The following DPYD variants were observed in gnomAD, a reference collection of about 807,000 sequenced individuals.
The protein encoded by DPYD is dihydropyrimidine dehydrogenase [NADP(+)].
DPYD carries 109 observed loss-of-function variants against 116.2 expected under a neutral mutation model. The ratio of observed to expected loss-of-function variants is 0.94; its 90% confidence interval spans 0.80 to 1.10. The LOEUF is 1.10. Among genes scored for constraint, DPYD ranks in the 50% least tolerant of loss-of-function variants. The pLI is 0.00. For missense variants in DPYD, 1,302 were observed against 1,254.5 expected (o/e 1.04, Z -0.57); for synonymous variants, 440 against 432.0 (o/e 1.02, Z -0.23).
At chr1:97,823,162 T>C (rs1286333610) in intron 3 of DPYD, among the ~76,000 whole-genome samples, 3 of 152,142 alleles carry the variant, frequency 2.0e-5, no homozygotes, top group Admixed American at 2.0e-4. Flanking sequence ...TTTTTGTTTT[T>C]TGTTTTTTTT....
intron 1 of DPYD, among the ~76,000 whole-genome samples, chr1:97,896,062 T>G (rs751285610): frequency 6.6e-6 from 1 of 151,820 alleles, no homozygotes; most frequent in Non-Finnish European, 1.5e-5. Flanking sequence ...TTCCAGGGAT[T>G]AATAAAATTA....
intron 2 of DPYD, among the ~76,000 whole-genome samples, chr1:97,874,683 C>T (rs1671820227): frequency 1.3e-5 from 2 of 151,746 alleles, no homozygotes; most frequent in Non-Finnish European, 2.9e-5. Context: ...GTTCATATAC[C>T]TATGTTTTTA....
At chr1:97,271,954 G>GT (rs1664606846) in intron 18 of DPYD, among the ~76,000 whole-genome samples, 1 of 152,084 alleles carries the variant, frequency 6.6e-6, no homozygotes. Flanking sequence ...AACTGATACC[G>GT]TAAGTAATTG....
At chr1:97,177,745 T>A (rs1657391565) in intron 20 of DPYD, among the ~76,000 whole-genome samples, 1 of 152,116 alleles carries the variant, frequency 6.6e-6, no homozygotes, top group Non-Finnish European at 1.5e-5. Flanking sequence ...TTGCTGGATA[T>A]CCTCCTAACT....
chr1:97,683,296 A>G (rs1660525212), intron 7 of DPYD, among the ~76,000 whole-genome samples: 1 of 151,876 alleles, frequency 6.6e-6, no homozygotes, highest in Non-Finnish European at 1.5e-5. Flanking sequence ...AAATAATATG[A>G]TTTTATATTT....
chr1:97,222,100 T>A (rs1374046975), intron 19 of DPYD, among the ~76,000 whole-genome samples: 2 of 152,092 alleles, frequency 1.3e-5, no homozygotes, highest in Admixed American at 6.6e-5. Context: ...TCTAAACAAC[T>A]GAGATTTTCT....
chr1:97,823,085 A>G (rs1669043110), intron 3 of DPYD, among the ~76,000 whole-genome samples: 1 of 152,230 alleles, frequency 6.6e-6, no homozygotes, highest in African/African-American at 2.4e-5. Flanking sequence ...TTGTGTAATG[A>G]TCAAATCAAG....
At chr1:97,649,119 A>T (rs560357988) in intron 8 of DPYD, among the ~76,000 whole-genome samples, 1 of 152,250 alleles carries the variant, frequency 6.6e-6, no homozygotes, top group South Asian at 2.1e-4. Context: ...AAAAACTCCT[A>T]AATCAAGAAG....
intron 8 of DPYD, among the ~76,000 whole-genome samples, chr1:97,676,716 A>G (rs557268315): frequency 6.6e-5 from 10 of 152,172 alleles, no homozygotes; most frequent in Non-Finnish European, 1.5e-4. Context: ...CGCCAGTTAT[A>G]TGGTAATACA....
intron 16 of DPYD, among the ~76,000 whole-genome samples, chr1:97,362,666 G>A (rs1223443840): frequency 6.6e-6 from 1 of 152,114 alleles, no homozygotes; most frequent in African/African-American, 2.4e-5. Context: ...ACAACCATCT[G>A]ATCTTTGACA....
At chr1:97,572,563 T>A (rs936315021) in intron 11 of DPYD, among the ~76,000 whole-genome samples, 3 of 151,978 alleles carry the variant, frequency 2.0e-5, no homozygotes, top group Admixed American at 6.6e-5. Context: ...GTACATAGTA[T>A]TTAATAGTAA....
At chr1:97,540,300 T>C (rs1229052223) in intron 12 of DPYD, among the ~76,000 whole-genome samples, 1 of 108,956 alleles carries the variant, frequency 9.2e-6, no homozygotes, top group Non-Finnish European at 1.7e-5. Context: ...ATTAACTGGT[T>C]AGAGCAGCTT....
At chr1:97,801,825 C>T (rs2101337476) in intron 3 of DPYD, among the ~76,000 whole-genome samples, 1 of 151,636 alleles carries the variant, frequency 6.6e-6, no homozygotes, top group South Asian at 2.1e-4. Context: ...TAACTATTCA[C>T]TGCTTAGCAT....
chr1:97,445,550 T>C (rs768729958), intron 14 of DPYD, among the ~76,000 whole-genome samples: 35 of 152,272 alleles, frequency 2.3e-4, no homozygotes, highest in Non-Finnish European at 4.7e-4. Context: ...TGAATATTCA[T>C]AGCTTCTCCT....
chr1:97,728,052 G>A (rs1212074657), intron 4 of DPYD, among the ~76,000 whole-genome samples: 2 of 151,864 alleles, frequency 1.3e-5, no homozygotes, highest in Admixed American at 1.3e-4. Context: ...ATCATGTGAG[G>A]AAAAAATGTA....
At chr1:97,303,374 T>G (rs1666974436) in intron 18 of DPYD, among the ~76,000 whole-genome samples, 1 of 152,028 alleles carries the variant, frequency 6.6e-6, no homozygotes, top group East Asian at 1.9e-4. Context: ...TTTAAAAATC[T>G]TATAAAAATA....
intron 2 of DPYD, among the ~76,000 whole-genome samples, chr1:97,864,827 G>A (rs535264438): frequency 2.6e-5 from 4 of 152,072 alleles, no homozygotes; most frequent in African/African-American, 9.6e-5. Flanking sequence ...CCGGTGCAGA[G>A]GAGGTGAAAG....
At chr1:97,667,325 C>T (rs1169233101) in intron 8 of DPYD, among the ~76,000 whole-genome samples, 3 of 151,984 alleles carry the variant, frequency 2.0e-5, no homozygotes, top group Non-Finnish European at 4.4e-5. Context: ...AATTGAGGCC[C>T]TCAAAATATC....
chr1:97,712,566 T>G (rs903243060), intron 5 of DPYD, among the ~76,000 whole-genome samples: 1 of 152,146 alleles, frequency 6.6e-6, no homozygotes. Context: ...TTATCTTTCC[T>G]AACATAGTTT....
Sources: allele counts gnomAD v4.1 joint callset (sites outside exome capture counted in the v4.1 genomes callset), GRCh38; gene constraint gnomAD v4.1.1; transcripts MANE v1.5; gene names NCBI Gene and HGNC (gene_info 2026-07-23, HGNC 2026-07-21).